The following SGPL1 variants were observed in gnomAD, a reference collection of about 807,000 sequenced individuals.
SGPL1 encodes SP-lyase 1.
Under a neutral mutation model 68.9 loss-of-function variants are expected in SGPL1, and 37 were observed. That is an observed-to-expected ratio of 0.54 (90% CI 0.41 to 0.71). The LOEUF is 0.71. Among genes scored for constraint, SGPL1 ranks in the 30% least tolerant of loss-of-function variants. The pLI, the probability that SGPL1 is intolerant of heterozygous loss-of-function variation, is 0.00. For missense variants in SGPL1, 551 were observed against 704.6 expected (o/e 0.78, Z 2.47); for synonymous variants, 236 against 248.5 (o/e 0.95, Z 0.47).
chr10:70,856,408 T>C (rs1165328676), intron 5 of SGPL1, among the ~76,000 whole-genome samples: 1 of 152,242 alleles, frequency 6.6e-6, no homozygotes, highest in African/African-American at 2.4e-5. Flanking sequence ...GTTAGCACTC[T>C]AAAACCTGGT....
chr10:70,862,862 C>A (rs890314905), intron 7 of SGPL1, among the ~76,000 whole-genome samples: 1 of 152,248 alleles, frequency 6.6e-6, no homozygotes, highest in African/African-American at 2.4e-5. Context: ...TCCGCGGCTT[C>A]ATTCTTGAAG....
In SGPL1 at chr10:70,816,832, G is replaced by A. The variant is rs565548380; in HGVS notation, c.-22G>A. ...ACAGAGTCTGAAAAAGGGGAGCGCG[G>A]AGAGGAGGCTGGAAGAGGAAGATGC... On this transcript the variant is annotated 5_prime_UTR_variant, in exon 2 of 15. Transcript: ENST00000373202. 2 of 1,613,698 alleles carry A rather than the reference G, an allele frequency of 1.2e-6. No individual in the cohort carries two copies. The highest frequency in any genetic ancestry group is 2.7e-5 in the African/African-American group (2 of 75,036).
intron 9 of SGPL1, among the ~76,000 whole-genome samples, chr10:70,870,400 G>A (rs1846269696): frequency 1.3e-5 from 2 of 151,986 alleles, no homozygotes; most frequent in South Asian, 2.1e-4. Flanking sequence ...CTAGCTACTC[G>A]GGAGGCTGGG....
Position 70,879,688 on chromosome 10 carries a change from T to G in SGPL1, c.*2353T>G, listed in dbSNP as rs1290206570. ...TTCCTCTGTGCTGTGACAACATTGG[T>G]GCCAGGGGAGATGGTGTTTTTCAAA... On this transcript the variant is annotated 3_prime_UTR_variant, in exon 15 of 15. Transcript: ENST00000373202. 1 of 152,406 alleles carries G rather than the reference T, an allele frequency of 6.6e-6. No individual in the cohort carries two copies. Among genetic ancestry groups the G allele is most frequent in the Non-Finnish European group, 1.5e-5 (1 of 68,054 alleles). The allele number at this position is 152,406 out of a possible 1,614,324, so 9.4% of individuals were successfully genotyped here. A position where few individuals can be genotyped will look rare whatever the true frequency, so the allele number is the denominator to read the frequency against.
At chr10:70,854,506 G>A (rs1845931964) in intron 4 of SGPL1, among the ~76,000 whole-genome samples, 1 of 152,044 alleles carries the variant, frequency 6.6e-6, no homozygotes, top group African/African-American at 2.4e-5. Flanking sequence ...GAGAAGCTTC[G>A]CTTTTCAAAT....
intron 7 of SGPL1, among the ~76,000 whole-genome samples, chr10:70,861,841 T>G (rs1005579445): frequency 6.6e-6 from 1 of 152,206 alleles, no homozygotes; most frequent in East Asian, 1.9e-4. Context: ...CTACCGGCAC[T>G]GCGCTCGATT....
intron 2 of SGPL1, among the ~76,000 whole-genome samples, chr10:70,818,194 CA>C (rs1366375426): frequency 6.6e-6 from 1 of 152,166 alleles, no homozygotes; most frequent in Admixed American, 6.5e-5. Flanking sequence ...AATCTCAGCT[CA>C]TTGCAACCTT....
intron 13 of SGPL1, among the ~76,000 whole-genome samples, chr10:70,875,990 A>G (rs1846378198): frequency 6.6e-6 from 1 of 152,070 alleles, no homozygotes; most frequent in South Asian, 2.1e-4. Flanking sequence ...TAAATGCACC[A>G]CTCCAACTGA....
intron 12 of SGPL1, 50 bp from the exon 13 acceptor site, chr10:70,875,351 GT>G (rs1173354741): frequency 1.7e-6 from 2 of 1,181,538 alleles, no homozygotes; most frequent in African/African-American, 3.0e-5. Flanking sequence ...CCAGGGGATT[GT>G]ATGTGACTGA....
At chr10:70,817,490 A>G (rs996093518) in intron 2 of SGPL1, among the ~76,000 whole-genome samples, 2 of 152,120 alleles carry the variant, frequency 1.3e-5, no homozygotes, top group Non-Finnish European at 2.9e-5. Flanking sequence ...TGCAGTGGCT[A>G]TTTACAGGCA....
intron 11 of SGPL1, 140 bp downstream of exon 11, chr10:70,872,126 G>A (rs537317413): frequency 2.3e-5 from 20 of 853,928 alleles, no homozygotes; most frequent in African/African-American, 8.5e-5. Context: ...TCTCTTTGCC[G>A]TCACCAGATC....
chr10:70,824,838 G>T (rs1845403018), intron 2 of SGPL1, among the ~76,000 whole-genome samples: 2 of 152,122 alleles, frequency 1.3e-5, no homozygotes, highest in East Asian at 3.8e-4. Context: ...ATAAACATGG[G>T]TAAGGTAAGC....
At chr10:70,858,963 G>C (rs879834093) in intron 6 of SGPL1, among the ~76,000 whole-genome samples, 2 of 152,138 alleles carry the variant, frequency 1.3e-5, no homozygotes. Flanking sequence ...CTTTGTGCCA[G>C]ACACTCTACT....
Position 70,869,804 on chromosome 10 carries a change from A to G in SGPL1, c.717A>G (p.Gln239=). 1 of 1,613,964 alleles carries G rather than the reference A, an allele frequency of 6.2e-7. No homozygotes were observed. ...GIKTPEIVAP[Q]SAHAAFNKAA... is the part of the protein sequence containing the mutation. ...CCCTGTCATTTAGTGTGGCTCCCCA[A>G]AGTGCCCATGCTGCATTTAACAAAG... Residue 239 remains glutamine (Q), a synonymous_variant, in exon 9 of 15, where the codon CAA becomes CAG. Transcript: ENST00000373202.
intron 2 of SGPL1, among the ~76,000 whole-genome samples, chr10:70,830,154 T>G (rs1392893000): frequency 6.6e-6 from 1 of 152,168 alleles, no homozygotes; most frequent in Non-Finnish European, 1.5e-5. Context: ...CTTAGGTGGT[T>G]TCTTAGCTGA....
Position 70,844,969 on chromosome 10 carries a change from A to C in SGPL1, c.193+331A>C, listed in dbSNP as rs534435076. 1.3e-4 allele frequency among the ~76,000 whole-genome samples: 20 copies of C among 151,584 alleles called. No homozygotes were observed. The East Asian group carries it at 3.9e-3, about 30-fold the overall frequency. On this transcript the variant is annotated intron_variant, in intron 3 of 14. Coordinates refer to ENST00000373202, the MANE Select transcript of SGPL1 (RefSeq NM_003901.4). ...TGGTCAGGATGGTCTTGATCTCTTG[A>C]CCTCGTGATCCACCCACCTCGGCCT...
chr10:70,861,961 T>G (rs1846067426), intron 7 of SGPL1, among the ~76,000 whole-genome samples: 1 of 152,206 alleles, frequency 6.6e-6, no homozygotes, highest in Non-Finnish European at 1.5e-5. Flanking sequence ...CCAGCCTCCT[T>G]GACGAGCGCC....
rs1846432503 is a variant in SGPL1 at position 70,878,183 on chromosome 10, T to C, written c.*848T>C. 6.6e-6 allele frequency: 1 copy of C among 152,274 alleles called. No homozygotes were observed. 9.4% of individuals were successfully genotyped at this position (152,274 alleles called of 1,614,324 possible). ...TTAGAGTCACTTCTATTGCAACTCA[T>C]TTTCTTTTTCCAGGGCACAGATCGA... On this transcript the variant is annotated 3_prime_UTR_variant, in exon 15 of 15. Coordinates refer to ENST00000373202, the MANE Select transcript of SGPL1 (RefSeq NM_003901.4).
At chr10:70,864,460 T>C (rs1305887269) in intron 7 of SGPL1, among the ~76,000 whole-genome samples, 1 of 152,220 alleles carries the variant, frequency 6.6e-6, no homozygotes, top group Non-Finnish European at 1.5e-5. Flanking sequence ...AATGTTTATT[T>C]TATTCCTTGC....
Sources: gnomAD v4.1 joint callset for allele counts (sites outside exome capture counted in the v4.1 genomes callset) on GRCh38, gnomAD v4.1.1 for gene constraint, MANE v1.5 for transcripts, NCBI Gene and HGNC (gene_info 2026-07-23, HGNC 2026-07-21) for gene names.